The following SNX3 variants were observed in gnomAD, a reference collection of about 807,000 sequenced individuals.
SNX3 encodes the protein sorting nexin-3.
A neutral mutation model predicts 17.7 loss-of-function variants in SNX3; 5 were observed. The observed-to-expected ratio is 0.28, with a 90% CI of 0.15 to 0.59. The LOEUF is 0.59. Ranked by LOEUF, SNX3 falls within the 20% of genes least tolerant of loss-of-function variation. SNX3 has a pLI of 0.88. For missense variants in SNX3, 132 were observed against 206.8 expected, an observed-to-expected ratio of 0.64 and a Z score of 2.22; for synonymous variants, 91 against 76.5, an observed-to-expected ratio of 1.19 and a Z score of -0.99.
chr6:108,258,065 T>C (rs996911874), intron 1 of SNX3, among the ~76,000 whole-genome samples: 2 of 152,242 alleles, frequency 1.3e-5, no homozygotes, highest in Non-Finnish European at 2.9e-5. Flanking sequence ...TTTATGACTG[T>C]TAACAGCTAT....
At position 108,214,477 on chromosome 6, in the gene SNX3, T is replaced by C. The variant is rs200541953; in HGVS notation, c.383+21A>G. On this transcript the variant is annotated intron_variant, in intron 3 of 3. Coordinates refer to ENST00000230085, the MANE Select transcript of SNX3 (RefSeq NM_003795.6). ...AGTCACTTAAAGTAGTCCTACACTTTGAGGAATAGGAAGCACTTACTTGTT... is the reference window on the plus strand; with the variant it reads ...AGTCACTTAAAGTAGTCCTACACTTCGAGGAATAGGAAGCACTTACTTGTT... The C allele has an allele frequency of 3.8e-5, 62 of 1,610,900 alleles. No individual in the cohort carries two copies. In the East Asian group the frequency reaches 1.3e-3, roughly 34 times the overall value.
intron 1 of SNX3, among the ~76,000 whole-genome samples, chr6:108,232,766 T>C (rs759419935): frequency 6.6e-6 from 1 of 152,178 alleles, no homozygotes; most frequent in Non-Finnish European, 1.5e-5. Flanking sequence ...TCTCCAAATA[T>C]CTACATCTAG....
At chr6:108,228,984 G>A (rs1392599944) in intron 1 of SNX3, among the ~76,000 whole-genome samples, 2 of 152,252 alleles carry the variant, frequency 1.3e-5, no homozygotes, top group East Asian at 3.9e-4. Flanking sequence ...TTCAGGCTGG[G>A]TGCGGTGGCT....
chr6:108,256,857 G>A (rs1776047754), intron 1 of SNX3, among the ~76,000 whole-genome samples: 1 of 152,144 alleles, frequency 6.6e-6, no homozygotes, highest in Non-Finnish European at 1.5e-5. Context: ...GGTGCTCTCT[G>A]CTGTACCTAC....
chr6:108,256,858 C>T (rs1048728193), intron 1 of SNX3, among the ~76,000 whole-genome samples: 1 of 152,212 alleles, frequency 6.6e-6, no homozygotes, highest in Admixed American at 6.5e-5. Context: ...GTGCTCTCTG[C>T]TGTACCTACC....
At chr6:108,246,407 C>T (rs1775692135) in intron 1 of SNX3, among the ~76,000 whole-genome samples, 1 of 143,810 alleles carries the variant, frequency 7.0e-6, no homozygotes, top group South Asian at 2.2e-4. Flanking sequence ...TCACTGCAAC[C>T]TCTGCCTCCC....
rs539167299 is a variant in SNX3 at position 108,252,826 on chromosome 6, T to TG, written c.162+7933dup. 3.2e-3 allele frequency among the ~76,000 whole-genome samples: 485 copies of TG among 152,076 alleles called. 4 individuals carry two copies. Among genetic ancestry groups the TG allele is most frequent in the African/African-American group, 0.011 (469 of 41,478 alleles). On this transcript the variant is annotated intron_variant, in intron 1 of 3. Coordinates refer to ENST00000230085, the MANE Select transcript of SNX3 (RefSeq NM_003795.6). The stretch of plus-strand genomic sequence containing the variant: ...GCTAATTTTTGTATTTTAGTAGATA[T>TG]GGGGTTTTGCCATGTTGGTCAGGCT...
At chr6:108,226,339 G>A (rs982458123) in intron 1 of SNX3, among the ~76,000 whole-genome samples, 3 of 152,166 alleles carry the variant, frequency 2.0e-5, no homozygotes, top group African/African-American at 7.2e-5. Flanking sequence ...CTCCCAAAGT[G>A]CTGGGATTAC....
intron 1 of SNX3, among the ~76,000 whole-genome samples, chr6:108,255,520 T>C (rs1776003278): frequency 6.6e-6 from 1 of 152,116 alleles, no homozygotes; most frequent in African/African-American, 2.4e-5. Flanking sequence ...GCCTGGCTAA[T>C]TTTTAAATTT....
chr6:108,249,402 C>T (rs1382044724), intron 1 of SNX3, among the ~76,000 whole-genome samples: 1 of 152,106 alleles, frequency 6.6e-6, no homozygotes, highest in Admixed American at 6.5e-5. Flanking sequence ...AGCCTGGCAA[C>T]AGAGCGAGAC....
intron 1 of SNX3, among the ~76,000 whole-genome samples, chr6:108,229,131 G>A (rs1266209916): frequency 5.3e-5 from 8 of 151,744 alleles, no homozygotes; most frequent in Admixed American, 5.3e-4. Flanking sequence ...GAGGTGGCAC[G>A]AGCCTGTAAT....
chr6:108,254,718 G>C (rs1246135347), intron 1 of SNX3, among the ~76,000 whole-genome samples: 5 of 152,152 alleles, frequency 3.3e-5, no homozygotes, highest in Admixed American at 6.6e-5. Flanking sequence ...TCCTAACAAA[G>C]CTACCAGGGC....
In SNX3 at chr6:108,260,939, C is replaced by T; in HGVS notation, c.-18G>A. The T allele has an allele frequency of 6.5e-7, 1 of 1,547,856 alleles. No homozygotes were observed. The highest frequency in any genetic ancestry group is 1.4e-5 in the African/African-American group (1 of 70,536). ...TCCGCCATTTCGCTGTAGCTGCTGC[C>T]GCCGCCGCGGGCTCCCTCCGCCCCC... On this transcript the variant is annotated 5_prime_UTR_variant, in exon 1 of 4. Transcript: ENST00000230085.
chr6:108,227,916 T>C (rs1345639964), intron 1 of SNX3, among the ~76,000 whole-genome samples: 1 of 152,010 alleles, frequency 6.6e-6, no homozygotes, highest in Non-Finnish European at 1.5e-5. Context: ...CATAAAATGA[T>C]TGAAGGGCGG....
chr6:108,248,257 T>C (rs949428252), intron 1 of SNX3, among the ~76,000 whole-genome samples: 1 of 152,208 alleles, frequency 6.6e-6, no homozygotes, highest in Non-Finnish European at 1.5e-5. Context: ...TACCACCAGT[T>C]TGGAAGCTTC....
At position 108,212,116 on chromosome 6, in the gene SNX3, A is replaced by T; in HGVS notation, c.*33T>A. 1 of 1,128,690 alleles carries T rather than the reference A, an allele frequency of 8.9e-7. No individual in the cohort carries two copies. The highest frequency in any genetic ancestry group is 1.3e-6 in the Non-Finnish European group (1 of 754,972). 69.9% of individuals were successfully genotyped at this position (1,128,690 alleles called of 1,614,324 possible). A position where few individuals can be genotyped will look rare whatever the true frequency, so the allele number is the denominator to read the frequency against. On this transcript the variant is annotated 3_prime_UTR_variant, in exon 4 of 4. Transcript: ENST00000230085. ...TCTTCACTGGTGCTTATCAATCATT[A>T]ATAGTCACGTTTTTGCCCCTTCTTG...
intron 1 of SNX3, among the ~76,000 whole-genome samples, chr6:108,248,048 C>T (rs1236525970): frequency 6.6e-6 from 1 of 152,134 alleles, no homozygotes; most frequent in Non-Finnish European, 1.5e-5. Context: ...CAAGGAATCA[C>T]TCCAGTATTA....
At chr6:108,225,791 T>C (rs539065845) in intron 1 of SNX3, among the ~76,000 whole-genome samples, 3 of 152,074 alleles carry the variant, frequency 2.0e-5, no homozygotes, top group South Asian at 2.1e-4. Flanking sequence ...ATCCTAGTGC[T>C]TTGGGAGGCT....
chr6:108,242,186 C>T (rs11757117), intron 1 of SNX3, among the ~76,000 whole-genome samples: 10,687 of 152,150 alleles, frequency 0.07, 492 homozygotes, highest in Middle Eastern at 0.18. Flanking sequence ...AACAGAGCAT[C>T]AGGGACCTGT....
Sources: gnomAD v4.1 joint callset for allele counts (sites outside exome capture counted in the v4.1 genomes callset) on GRCh38, gnomAD v4.1.1 for gene constraint, MANE v1.5 for transcripts, NCBI Gene and HGNC (gene_info 2026-07-23, HGNC 2026-07-21) for gene names.